Variants in WWOX observed in about 807,000 individuals in gnomAD.
The protein encoded by WWOX is WW domain containing oxidoreductase.
A neutral mutation model predicts 46.2 loss-of-function variants in WWOX; 69 were observed. The observed-to-expected ratio is 1.49, with a 90% confidence interval of 1.23 to 1.82. The LOEUF (loss-of-function observed/expected upper bound fraction) is 1.82. Among genes scored for constraint, WWOX ranks in the 40% most tolerant of loss-of-function variants. The probability of loss-of-function intolerance (pLI) is 0.00; values close to 1 mark genes in which losing one functional copy is unlikely to be tolerated. For missense variants in WWOX, 919 were observed against 542.6 expected, an observed-to-expected ratio of 1.69 and a Z score of -6.89; for synonymous variants, 359 against 202.6, an observed-to-expected ratio of 1.77 and a Z score of -6.56.
intron 8 of WWOX, among the ~76,000 whole-genome samples, chr16:78,727,476 C>T (rs964825751): frequency 2.0e-5 from 3 of 152,072 alleles, no homozygotes; most frequent in African/African-American, 7.2e-5. Context: ...CACAGAACTG[C>T]CAGGGTACGT....
At chr16:79,088,008 G>T (rs970065257) in intron 8 of WWOX, among the ~76,000 whole-genome samples, 1 of 152,152 alleles carries the variant, frequency 6.6e-6, no homozygotes, top group Non-Finnish European at 1.5e-5. Context: ...AGCTTCTTCT[G>T]CTTATTCATC....
rs147160138 is a variant in WWOX, at chr16:78,152,597, G to T, written c.410-11586G>T. Among the ~76,000 whole-genome samples the T allele has an allele frequency of 2.3e-3, 350 of 152,278 alleles. 1 individual carries two copies. Among genetic ancestry groups the T allele is most frequent in the African/African-American group, 8.1e-3 (337 of 41,558 alleles). ...GTAGTTACCCTTGTAGAATCTGTCT[G>T]CATGTGCCTGTCTAGGACCATGTTA... On this transcript the variant is annotated intron_variant, in intron 4 of 8. Transcript: ENST00000566780.
chr16:78,439,198 A>G (rs923174697), intron 8 of WWOX, among the ~76,000 whole-genome samples: 1 of 152,198 alleles, frequency 6.6e-6, no homozygotes, highest in African/African-American at 2.4e-5. Flanking sequence ...ATGGTTTTCA[A>G]AGTGGAAATT....
intron 5 of WWOX, among the ~76,000 whole-genome samples, chr16:78,235,235 G>A (rs1597384074): frequency 2.0e-5 from 3 of 152,106 alleles, no homozygotes; most frequent in South Asian, 2.1e-4. Context: ...CTTTAAAATC[G>A]AGTGTGGCTG....
At position 79,014,704 on chromosome 16, in the gene WWOX, C is replaced by T. The variant is rs1224179549; in HGVS notation, c.1057-196904C>T. 3.3e-5 allele frequency among the ~76,000 whole-genome samples: 5 copies of T among 152,118 alleles called. No homozygotes were observed. In the East Asian group the frequency reaches 9.6e-4, roughly 29 times the overall value. ...GGCCCTGATTTCAGAGATGAAAGAA[C>T]CAAGGCATAGAAATTGAGTCACTTT... On this transcript the variant is annotated intron_variant, in intron 8 of 8. Transcript: ENST00000566780.
chr16:78,666,435 G>A (rs945751805), intron 8 of WWOX, among the ~76,000 whole-genome samples: 19 of 152,116 alleles, frequency 1.2e-4, no homozygotes, highest in African/African-American at 4.3e-4. Context: ...AGTGTGTCAC[G>A]CCATTACATG....
intron 5 of WWOX, among the ~76,000 whole-genome samples, chr16:78,185,552 A>C (rs1432017617): frequency 1.3e-5 from 2 of 151,922 alleles, no homozygotes; most frequent in African/African-American, 2.4e-5. Flanking sequence ...TAGATATATT[A>C]CTTCCCAGGG....
At chr16:78,303,282 A>G (rs2080074878) in intron 5 of WWOX, among the ~76,000 whole-genome samples, 1 of 152,230 alleles carries the variant, frequency 6.6e-6, no homozygotes, top group Admixed American at 6.5e-5. Flanking sequence ...AAGACATCCA[A>G]GTAATAATCA....
intron 8 of WWOX, among the ~76,000 whole-genome samples, chr16:79,024,022 A>C (rs191826513): frequency 2.0e-5 from 3 of 152,174 alleles, no homozygotes; most frequent in Non-Finnish European, 4.4e-5. Flanking sequence ...CTAACATGTG[A>C]ATCTGTGTAT....
chr16:78,362,852 A>T (rs1302602407), intron 5 of WWOX, among the ~76,000 whole-genome samples: 1 of 152,202 alleles, frequency 6.6e-6, no homozygotes, highest in Admixed American at 6.5e-5. Context: ...TTGCTTGCAA[A>T]GATGAGGGAA....
intron 5 of WWOX, among the ~76,000 whole-genome samples, chr16:78,276,294 T>G (rs548678986): frequency 6.6e-6 from 1 of 152,152 alleles, no homozygotes; most frequent in African/African-American, 2.4e-5. Context: ...AATGGGGTCA[T>G]AGAGGGTGAG....
In WWOX at chr16:78,338,827, TTTTC is replaced by T. The variant is rs1276651615; in HGVS notation, c.517-48029_517-48026del. 9.1e-5 allele frequency among the ~76,000 whole-genome samples: 11 copies of T among 121,450 alleles called. 2 individuals are homozygous for T. Among genetic ancestry groups the T allele is most frequent in the African/African-American group, 3.0e-4 (11 of 36,094 alleles). The allele number at this position is 121,450 out of a possible 152,430, so 79.7% of individuals were successfully genotyped here. ...CATTCATTCTATTCTTTTCATTTCT[TTTTC>T]TTTTTGTAAAAATTGTACAGAGTTT... is the stretch of plus-strand genomic sequence containing the variant. On this transcript the variant is annotated intron_variant, in intron 5 of 8. Transcript: ENST00000566780.
chr16:78,591,207 T>A (rs925642502), intron 8 of WWOX, among the ~76,000 whole-genome samples: 2 of 152,188 alleles, frequency 1.3e-5, no homozygotes, highest in Non-Finnish European at 2.9e-5. Flanking sequence ...GATAGCCTAT[T>A]GCTAGAGAAC....
Position 79,082,562 on chromosome 16 carries a change from G to A in WWOX, c.1057-129046G>A, listed in dbSNP as rs188531340. On this transcript the variant is annotated intron_variant, in intron 8 of 8. Coordinates refer to ENST00000566780, the MANE Select transcript of WWOX (RefSeq NM_016373.4). ...GGTCCATCTTCATGGGTTGATCATT[G>A]TGGTTCATATCACTGTTTCATGAAA... Among the ~76,000 whole-genome samples, 14 of 152,258 alleles carry A rather than the reference G, an allele frequency of 9.2e-5. No individual in the cohort carries two copies. The East Asian group carries it at 2.1e-3, about 23-fold the overall frequency.
At chr16:78,950,132 G>T (rs1244708680) in intron 8 of WWOX, among the ~76,000 whole-genome samples, 1 of 152,042 alleles carries the variant, frequency 6.6e-6, no homozygotes, top group Non-Finnish European at 1.5e-5. Flanking sequence ...TTTGTATTTT[G>T]GTTCAAAAAG....
chr16:78,530,648 A>G (rs1280741198), intron 8 of WWOX, among the ~76,000 whole-genome samples: 5 of 152,130 alleles, frequency 3.3e-5, no homozygotes, highest in South Asian at 2.1e-4. Context: ...ACAGGGATAT[A>G]TGTTCTCACT....
chr16:78,790,958 G>A (rs1354400323), intron 8 of WWOX, among the ~76,000 whole-genome samples: 1 of 139,730 alleles, frequency 7.2e-6, no homozygotes, highest in Non-Finnish European at 1.5e-5. Context: ...GATGGAGGTT[G>A]CAGTGAGCCA....
In WWOX at chr16:78,349,534, C is replaced by G. The variant is rs959996998; in HGVS notation, c.517-37326C>G. ...GAAGCCAGGAGGAGGTCCTAGTCAG[C>G]TGATGTGAGATTACATGGCCCTGAC... On this transcript the variant is annotated intron_variant, in intron 5 of 8. Coordinates refer to ENST00000566780, the MANE Select transcript of WWOX (RefSeq NM_016373.4). 5.0e-5 allele frequency among the ~76,000 whole-genome samples: 6 copies of G among 120,618 alleles called. 1 individual carries two copies. The highest frequency in any genetic ancestry group is 1.7e-4 in the African/African-American group (6 of 35,598). The allele number at this position is 120,618 out of a possible 152,430, so 79.1% of individuals were successfully genotyped here.
At chr16:79,063,655 A>G (rs1434947493) in intron 8 of WWOX, among the ~76,000 whole-genome samples, 1 of 152,210 alleles carries the variant, frequency 6.6e-6, no homozygotes, top group Non-Finnish European at 1.5e-5. Context: ...CGCTAGAGTG[A>G]TGTTTTTCCT....
Sources: allele counts gnomAD v4.1 joint callset (sites outside exome capture counted in the v4.1 genomes callset), GRCh38; gene constraint gnomAD v4.1.1; transcripts MANE v1.5; gene names NCBI Gene and HGNC (gene_info 2026-07-23, HGNC 2026-07-21).